Variants in OARD1 observed in about 807,000 individuals in gnomAD.
OARD1 encodes the protein O-acyl-ADP-ribose deacylase 1.
OARD1 carries 19 observed loss-of-function variants against 19.7 expected under a neutral mutation model. The observed-to-expected ratio is 0.96, with a 90% CI of 0.67 to 1.41. The LOEUF (loss-of-function observed/expected upper bound fraction) is 1.41. Ranked by LOEUF, OARD1 falls within the 40% of genes most tolerant of loss-of-function variation. OARD1 has a pLI of 0.00. For synonymous variants in OARD1, 70 were observed against 61.8 expected (o/e 1.13, Z -0.62); for missense variants, 190 against 183.8 (o/e 1.03, Z -0.20).
Position 41,067,162 on chromosome 6 carries a change from C to G in OARD1, c.*173G>C, listed in dbSNP as rs1166664083. The G allele has an allele frequency of 1.2e-5, 5 of 416,830 alleles. No homozygotes were observed. The highest frequency in any genetic ancestry group is 2.2e-5 in the Non-Finnish European group (5 of 225,914). 25.8% of individuals were successfully genotyped at this position (416,830 alleles called of 1,614,324 possible). ...CACAACCACATATCTTAAGCAAGCC[C>G]TCCTCCACAGTCATAATCCAAATAC... On this transcript the variant is annotated 3_prime_UTR_variant, in exon 6 of 6. Coordinates refer to ENST00000424266, the MANE Select transcript of OARD1 (RefSeq NM_001329686.2).
chr6:41,071,360 C>T (rs1561844692), intron 2 of OARD1, 84 bp from the exon 3 acceptor site: 1 of 1,351,066 alleles, frequency 7.4e-7, no homozygotes, highest in Non-Finnish European at 1.0e-6. Context: ...GTGTCCCCCA[C>T]GACTACCTCT....
At chr6:41,070,799 T>C (rs1353240029) in intron 3 of OARD1, 3 of 519,632 alleles carry the variant, frequency 5.8e-6, no homozygotes, top group Middle Eastern at 5.0e-4. Flanking sequence ...GGTTTCTAAA[T>C]TCCTCTTTGA....
upstream of OARD1, among the ~76,000 whole-genome samples, chr6:41,073,564 C>CCCCCGCT (rs951275554): frequency 6.6e-5 from 10 of 152,170 alleles, no homozygotes; most frequent in Admixed American, 2.0e-4. Flanking sequence ...GGGCCCGCGC[C>CCCCCGCT]CCCCGCTCCC....
At chr6:41,079,941 C>T (rs1406098872) in intron 1 of OARD1, among the ~76,000 whole-genome samples, 1 of 152,196 alleles carries the variant, frequency 6.6e-6, no homozygotes, top group Non-Finnish European at 1.5e-5. Flanking sequence ...ACGAACTCCC[C>T]TGATAGCTTT....
At chr6:41,080,138 C>T (rs1192100043) in intron 1 of OARD1, among the ~76,000 whole-genome samples, 1 of 151,944 alleles carries the variant, frequency 6.6e-6, no homozygotes, top group South Asian at 2.1e-4. Context: ...TAAAGCAGTC[C>T]AGTTGGGTAG....
At chr6:41,093,740 G>C (rs1056425923) in intron 1 of OARD1, among the ~76,000 whole-genome samples, 1 of 152,176 alleles carries the variant, frequency 6.6e-6, no homozygotes, top group Non-Finnish European at 1.5e-5. Flanking sequence ...CAAAGTGCCG[G>C]GATTATAGGC....
intron 1 of OARD1, among the ~76,000 whole-genome samples, chr6:41,088,630 C>T (rs1229073953): frequency 7.9e-5 from 12 of 151,912 alleles, no homozygotes; most frequent in Non-Finnish European, 1.5e-5. Context: ...GTTGCCTAGG[C>T]TGGAATGCAG....
At chr6:41,071,963 C>G (rs1462446730) in intron 1 of OARD1, 5 of 374,594 alleles carry the variant, frequency 1.3e-5, no homozygotes, top group African/African-American at 2.0e-5. Flanking sequence ...TTCTCCAGGG[C>G]CACTCCGGAG....
intron 1 of OARD1, among the ~76,000 whole-genome samples, chr6:41,078,586 AAG>A (rs1333179334): frequency 6.6e-6 from 1 of 152,218 alleles, no homozygotes; most frequent in Non-Finnish European, 1.5e-5. Context: ...TCAACTCTTA[AAG>A]TCTATGAGAA....
At chr6:41,071,863 CT>C (rs200985692) in intron 1 of OARD1, 188 bp from the exon 2 acceptor site, 8,197 of 524,128 alleles carry the variant, frequency 0.016, 110 homozygotes, top group Non-Finnish European at 0.022. Flanking sequence ...GGTTCGGAGG[CT>C]GTCTCGACCC....
chr6:41,066,507 T>C lies in OARD1; in HGVS notation c.*828A>G, dbSNP rs1448389743. On this transcript the variant is annotated 3_prime_UTR_variant, in exon 6 of 6. Coordinates refer to ENST00000424266, the MANE Select transcript of OARD1 (RefSeq NM_001329686.2). ...ACTGATTTATTGGGTCACTAGTCTG[T>C]GCTAAGTACTCTGCCAGGCATTTAA... is the stretch of plus-strand genomic sequence containing the variant. The C allele has an allele frequency of 2.0e-5, 3 of 152,202 alleles. No homozygotes were observed. The highest frequency in any genetic ancestry group is 7.2e-5 in the African/African-American group (3 of 41,448). The allele number at this position is 152,202 out of a possible 1,614,324, so 9.4% of individuals were successfully genotyped here.
Position 41,071,644 on chromosome 6 carries a change from TC to T in OARD1, c.-11del. ...TAAGGCTGCTGGCCATGATACTGAG[TC>T]GCTATTTCCAGAATTTAAGTGTTTC... is the stretch of plus-strand genomic sequence containing the variant. On this transcript the variant is annotated 5_prime_UTR_variant, in exon 2 of 6. Coordinates refer to ENST00000424266, the MANE Select transcript of OARD1 (RefSeq NM_001329686.2). 2 of 1,612,102 alleles carry T rather than the reference TC, an allele frequency of 1.2e-6. No individual in the cohort carries two copies. The highest frequency in any genetic ancestry group is 2.2e-5 in the South Asian group (2 of 91,042).
intron 1 of OARD1, among the ~76,000 whole-genome samples, chr6:41,091,322 C>T (rs893317308): frequency 3.3e-5 from 5 of 152,150 alleles, no homozygotes; most frequent in South Asian, 2.1e-4. Context: ...GGGACCTAGA[C>T]AGTTAATAGA....
chr6:41,070,790 G>T, intron 3 of OARD1: 1 of 506,850 alleles, frequency 2.0e-6, no homozygotes, highest in Admixed American at 3.8e-5. Context: ...GGAAGAAGAG[G>T]TTTCTAAATT....
chr6:41,064,938 G>T lies in OARD1; in HGVS notation c.*2397C>A, dbSNP rs1241237081. 6.6e-6 allele frequency: 1 copy of T among 151,300 alleles called. No homozygotes were observed. The highest frequency in any genetic ancestry group is 1.5e-5 in the Non-Finnish European group (1 of 67,880). 9.4% of individuals were successfully genotyped at this position (151,300 alleles called of 1,614,324 possible). Reference sequence around the variant, plus strand: ...TTTTTTTTTTTAAAGGTTTGTTTGAGTCCTATGTGGAAGCAAAAATTCACA... The same window carrying T: ...TTTTTTTTTTTAAAGGTTTGTTTGATTCCTATGTGGAAGCAAAAATTCACA... On this transcript the variant is annotated 3_prime_UTR_variant, in exon 6 of 6. Coordinates refer to ENST00000424266, the MANE Select transcript of OARD1 (RefSeq NM_001329686.2).
rs1220222275 is a variant in OARD1, at chr6:41,068,932, G to A, written c.265C>T (p.His89Tyr). 1 of 1,603,658 alleles carries A rather than the reference G, an allele frequency of 6.2e-7. No homozygotes were observed. Among genetic ancestry groups the A allele is most frequent in the South Asian group, 1.1e-5 (1 of 89,402 alleles). Residue 89 changes from histidine (H) to tyrosine (Y), a missense_variant, in exon 5 of 6, where the codon CAC (histidine) becomes TAC (tyrosine). His to Tyr is a moderately conservative substitution (Grantham distance 83, BLOSUM62 2). Transcript: ENST00000424266. ...TGTAAGTTTTCATAAGTTGGCTTGTGCGAAGCCCTTTTCTTTGTAATCTGA... is the reference window on the plus strand; with the variant it reads ...TGTAAGTTTTCATAAGTTGGCTTGTACGAAGCCCTTTTCTTTGTAATCTGA... ...YYLITKKRASHKPTYENLQKS... is the reference protein window; with the variant it reads ...YYLITKKRASYKPTYENLQKS...
intron 3 of OARD1, chr6:41,070,842 T>C (rs1763302749): frequency 1.7e-6 from 1 of 578,398 alleles, no homozygotes; most frequent in South Asian, 2.2e-5. Context: ...GTAAAGGATC[T>C]TGAATGCCAA....
At chr6:41,084,072 G>C in intron 1 of OARD1, 2 of 1,613,434 alleles carry the variant, frequency 1.2e-6, no homozygotes, top group Non-Finnish European at 1.7e-6. Flanking sequence ...TAATGGTGCA[G>C]GTCAGTGGAG....
intron 1 of OARD1, among the ~76,000 whole-genome samples, chr6:41,079,360 T>C (rs1561850566): frequency 6.6e-6 from 1 of 152,242 alleles, no homozygotes; most frequent in African/African-American, 2.4e-5. Context: ...TGCCTGGTTA[T>C]AGTAAATTGC....
Sources: allele counts gnomAD v4.1 joint callset (sites outside exome capture counted in the v4.1 genomes callset), GRCh38; gene constraint gnomAD v4.1.1; transcripts MANE v1.5; gene names NCBI Gene and HGNC (gene_info 2026-07-23, HGNC 2026-07-21).